The following MADD variants were observed in gnomAD, a reference collection of about 807,000 sequenced individuals.
MADD encodes MAP kinase activating death domain.
Under a neutral mutation model 176.7 loss-of-function variants are expected in MADD, and 109 were observed. That is an observed-to-expected ratio of 0.62 (90% confidence interval 0.53 to 0.72). The LOEUF (loss-of-function observed/expected upper bound fraction) is 0.72, where lower values mean the gene tolerates loss of function less well. Among genes scored for constraint, MADD ranks in the 30% least tolerant of loss-of-function variants. The probability of loss-of-function intolerance (pLI) is 0.00; values close to 1 mark genes in which losing one functional copy is unlikely to be tolerated. For missense variants in MADD, 1,914 were observed against 2,045.5 expected (o/e 0.94, Z 1.24); for synonymous variants, 771 against 771.3 (o/e 1.00, Z 0.01).
At position 47,273,754 on chromosome 11, in the gene MADD, C is replaced by T. The variant is rs148847201; in HGVS notation, c.-88-73C>T. The T allele has an allele frequency of 5.0e-3, 3,008 of 595,892 alleles. 11 individuals carry two copies. Among genetic ancestry groups the T allele is most frequent in the Non-Finnish European group, 7.4e-3 (2,449 of 329,640 alleles). 36.9% of individuals were successfully genotyped at this position (595,892 alleles called of 1,614,324 possible). ...AAGACCTTCTGACCTCTGCCTCTGG[C>T]CGGGAAGAAGTTGAGAGGGATGAGT... On this transcript the variant is annotated intron_variant, in intron 1 of 32. Coordinates refer to ENST00000402192, the Ensembl canonical transcript of MADD.
intron 31 of MADD, chr11:47,328,361 C>T (rs768456491): frequency 1.6e-4 from 218 of 1,324,668 alleles, no homozygotes; most frequent in Non-Finnish European, 2.0e-4. Flanking sequence ...GTGAAAGGCC[C>T]GTCCCTCCCA....
chr11:47,273,464 G>A (rs374206127), intron 1 of MADD, among the ~76,000 whole-genome samples: 8 of 152,012 alleles, frequency 5.3e-5, no homozygotes, highest in African/African-American at 1.9e-4. Flanking sequence ...TCAGACTCCC[G>A]AGTAGCTGGG....
intron 23 of MADD, chr11:47,309,014 G>A: frequency 6.2e-7 from 1 of 1,614,126 alleles, no homozygotes; most frequent in South Asian, 1.1e-5. Context: ...ACCAGTTAGA[G>A]GATGCAGCTA....
chr11:47,297,266 G>A (rs2139479173), intron 22 of MADD, among the ~76,000 whole-genome samples: 1 of 152,238 alleles, frequency 6.6e-6, no homozygotes, highest in South Asian at 2.1e-4. Flanking sequence ...CACCCCCAGA[G>A]CCTTCTGTAT....
exon 9 of MADD, chr11:47,282,464 G>A (rs778568100): frequency 6.2e-6 from 10 of 1,613,970 alleles, no homozygotes; most frequent in Admixed American, 1.7e-5. Context: ...CTCTTTCCTC[G>A]GCCTGTGGTA....
intron 1 of MADD, among the ~76,000 whole-genome samples, chr11:47,273,321 T>A (rs1189135687): frequency 1.4e-5 from 2 of 142,038 alleles, no homozygotes; most frequent in Non-Finnish European, 3.0e-5. Flanking sequence ...GATAGGTAGG[T>A]GAACCATTAT....
intron 23 of MADD, 66 bp downstream of exon 25, chr11:47,308,765 C>T: frequency 1.5e-6 from 2 of 1,327,380 alleles, no homozygotes; most frequent in African/African-American, 1.4e-5. Context: ...GAGAGGGTCA[C>T]ACTGAACAAG....
intron 28 of MADD, 51 bp downstream of exon 31, chr11:47,323,886 T>G (rs1248512878): frequency 5.7e-6 from 9 of 1,570,998 alleles, no homozygotes; most frequent in Non-Finnish European, 7.0e-6. Context: ...GAAGACCAAA[T>G]AGTGAATTTC....
intron 20 of MADD, among the ~76,000 whole-genome samples, 176 bp downstream of exon 22, chr11:47,294,159 G>A (rs1271871768): frequency 2.0e-5 from 3 of 149,882 alleles, no homozygotes; most frequent in African/African-American, 4.9e-5. Flanking sequence ...AGACCAGCCT[G>A]ACCAACATGG....
chr11:47,278,088 T>G, intron 5 of MADD, 77 bp from the exon 6 acceptor site: 1 of 942,214 alleles, frequency 1.1e-6, no homozygotes, highest in Non-Finnish European at 1.7e-6. Context: ...CATTTCCTTA[T>G]CTAGAAGAAT....
intron 7 of MADD, among the ~76,000 whole-genome samples, chr11:47,280,267 C>T (rs1430856059): frequency 1.3e-5 from 2 of 152,158 alleles, no homozygotes; most frequent in African/African-American, 2.4e-5. Context: ...TCCCTGCTCT[C>T]ATTTGAAGGG....
exon 3 of MADD, chr11:47,274,856 A>G: frequency 6.2e-7 from 1 of 1,614,200 alleles, no homozygotes; most frequent in Non-Finnish European, 8.5e-7. Context: ...TCCCGTGGGA[A>G]GGAAGGAACC....
intron 27 of MADD, among the ~76,000 whole-genome samples, chr11:47,320,483 A>G (rs1003549868): frequency 6.8e-6 from 1 of 147,010 alleles, no homozygotes; most frequent in Non-Finnish European, 1.5e-5. Flanking sequence ...AATGAAATAT[A>G]TATTTATATA....
exon 21 of MADD, chr11:47,295,574 A>C (rs1368519873): frequency 6.8e-6 from 11 of 1,613,730 alleles, no homozygotes; most frequent in African/African-American, 1.3e-5. Flanking sequence ...TGAAGTTAGC[A>C]CCGTGGTAGG....
At chr11:47,326,368 G>A (rs958991794) in intron 30 of MADD, among the ~76,000 whole-genome samples, 176 bp from the exon 34 acceptor site, 5 of 152,212 alleles carry the variant, frequency 3.3e-5, no homozygotes, top group Non-Finnish European at 5.9e-5. Context: ...AGGATGCATG[G>A]AAGGGTAGAG....
At chr11:47,324,874 C>T in intron 30 of MADD, 1 of 609,158 alleles carries the variant, frequency 1.6e-6, no homozygotes. Flanking sequence ...GAGCGTCTCA[C>T]TTGGCCCTTC....
chr11:47,323,008 C>T (rs1204293151), intron 27 of MADD, among the ~76,000 whole-genome samples: 1 of 152,086 alleles, frequency 6.6e-6, no homozygotes, highest in East Asian at 1.9e-4. Context: ...GAGGCCAAGA[C>T]GGGTGTATCA....
At chr11:47,273,479 C>T (rs992716623) in intron 1 of MADD, among the ~76,000 whole-genome samples, 10 of 152,182 alleles carry the variant, frequency 6.6e-5, no homozygotes, top group Admixed American at 5.2e-4. Flanking sequence ...GCTGGGATTA[C>T]AGATGTGTGC....
chr11:47,328,019 C>CT lies in MADD; in HGVS notation c.4613-637dup, dbSNP rs1348350651. The stretch of plus-strand genomic sequence containing the variant: ...CTCCCTGGGTGCTGTACTCGCCTGT[C>CT]TTCTGCTGGGTGTGTTGCTCCAGAG... On this transcript the variant is annotated intron_variant, in intron 31 of 32. Transcript: ENST00000402192. 4 of 989,884 alleles carry CT rather than the reference C, an allele frequency of 4.0e-6. No individual in the cohort carries two copies. The South Asian group carries it at 1.8e-4, about 46-fold the overall frequency. The allele number at this position is 989,884 out of a possible 1,614,324, so 61.3% of individuals were successfully genotyped here. A position where few individuals can be genotyped will look rare whatever the true frequency, so the allele number is the denominator to read the frequency against.
Sources: gnomAD v4.1 joint callset for allele counts (sites outside exome capture counted in the v4.1 genomes callset) on GRCh38, gnomAD v4.1.1 for gene constraint, MANE v1.5 for transcripts, NCBI Gene and HGNC (gene_info 2026-07-23, HGNC 2026-07-21) for gene names.